The following EPB42 variants were observed in gnomAD, a reference collection of about 807,000 sequenced individuals.
EPB42 encodes the protein erythrocyte membrane protein band 4.2.
In EPB42, 49 loss-of-function variants were observed where a neutral mutation model predicts 76.9. The observed-to-expected ratio is 0.64, with a 90% CI of 0.51 to 0.81. The LOEUF (loss-of-function observed/expected upper bound fraction) is 0.81. Ranked by LOEUF, EPB42 falls within the 30% of genes least tolerant of loss-of-function variation. The pLI is 0.00. For missense variants in EPB42, 731 were observed against 867.6 expected (o/e 0.84, Z 1.98); for synonymous variants, 310 against 338.4 (o/e 0.92, Z 0.92).
At chr15:43,210,265 G>T in intron 5 of EPB42, 70 bp downstream of exon 5, 2 of 1,372,008 alleles carry the variant, frequency 1.5e-6, no homozygotes, top group South Asian at 1.2e-5. Flanking sequence ...GGCCACGGTG[G>T]TGGGGCAGGT....
chr15:43,206,647 C>T lies in EPB42; in HGVS notation c.1319-18G>A. The T allele has an allele frequency of 6.2e-7, 1 of 1,614,064 alleles. No homozygotes were observed. The highest frequency in any genetic ancestry group is 8.5e-7 in the Non-Finnish European group (1 of 1,179,980). On this transcript the variant is annotated intron_variant, in intron 9 of 12. Transcript: ENST00000441366. The surrounding 1 kb of genome is among the most constrained non-coding windows in gnomAD (Gnocchi z 4.7). ...AAGAGACCCTGGAGAAGGGAAGAAA[C>T]AAAGCTGACCTTTTACCCGGGTGGT...
upstream of EPB42, among the ~76,000 whole-genome samples, chr15:43,222,492 G>A (rs749676739): frequency 2.0e-5 from 3 of 152,174 alleles, no homozygotes; most frequent in Non-Finnish European, 2.9e-5. Flanking sequence ...TCCTGTGTAG[G>A]ACAACTCAAC....
intron 5 of EPB42, 126 bp from the exon 6 acceptor site, chr15:43,209,577 C>T: frequency 9.3e-7 from 1 of 1,075,010 alleles, no homozygotes; most frequent in Non-Finnish European, 1.4e-6. Context: ...TTAGAGCCAC[C>T]TGGTACTGGT....
upstream of EPB42, among the ~76,000 whole-genome samples, chr15:43,225,193 G>T (rs1477599099): frequency 6.6e-6 from 1 of 152,214 alleles, no homozygotes; most frequent in Non-Finnish European, 1.5e-5. Context: ...TGTTTATATA[G>T]ACTATTTCTA....
Position 43,208,698 on chromosome 15 carries a change from T to C in EPB42, c.910A>G (p.Ile304Val). ...SAQGTGGRLL[I>V]DEYYNEEGLQ... ...CCCTCCTCATTATAGTATTCATCTA[T>C]GAGAAGACGCCCACCGGTGCCCTGT... Residue 304 changes from isoleucine to valine, a missense_variant, in exon 7 of 13, where the codon ATA becomes GTA. Physicochemically the swap from Ile to Val is conservative, Grantham distance 29 (BLOSUM62 3). Coordinates refer to ENST00000441366, the MANE Select transcript of EPB42 (RefSeq NM_001114134.2). 1 of 1,614,168 alleles carries C rather than the reference T, an allele frequency of 6.2e-7. No homozygotes were observed. The highest frequency in any genetic ancestry group is 8.5e-7 in the Non-Finnish European group (1 of 1,180,024).
Position 43,206,525 on chromosome 15 carries a change from G to C in EPB42, c.1423C>G (p.Leu475Val). The change falls in exon 10 of 13, where the codon CTG (leucine) becomes GTG (valine). Residue 475 changes from leucine (L) to valine (V), a missense_variant. Leu to Val is a conservative substitution (Grantham distance 32). Coordinates refer to ENST00000441366, the MANE Select transcript of EPB42 (RefSeq NM_001114134.2). The surrounding 1 kb of genome is among the most constrained non-coding windows in gnomAD (Gnocchi z 4.7). ...RPPSLETASP[L>V]YLLLKAPSSL... is the part of the protein sequence containing the mutation. Reference sequence around the variant, plus strand: ...CTGGGTGCTTTCAAGAGCAGGTACAGAGGACTGGCAGTCTCGAGACTGGGA... The same window carrying C: ...CTGGGTGCTTTCAAGAGCAGGTACACAGGACTGGCAGTCTCGAGACTGGGA... 1 of 1,614,102 alleles carries C rather than the reference G, an allele frequency of 6.2e-7. No homozygotes were observed.
At chr15:43,209,043 G>C (rs1044582691) in intron 6 of EPB42, among the ~76,000 whole-genome samples, 10 of 152,216 alleles carry the variant, frequency 6.6e-5, no homozygotes, top group Non-Finnish European at 1.5e-5. Flanking sequence ...GGCAGGGTTA[G>C]GGAAGTAAGT....
intron 1 of EPB42, among the ~76,000 whole-genome samples, chr15:43,217,750 A>T (rs556304974): frequency 7.2e-5 from 11 of 152,232 alleles, no homozygotes; most frequent in African/African-American, 2.6e-4. Context: ...AAGTGATATG[A>T]CCCTGATAGC....
chr15:43,223,020 T>C (rs1223917012), upstream of EPB42, among the ~76,000 whole-genome samples: 1 of 152,158 alleles, frequency 6.6e-6, no homozygotes, highest in Non-Finnish European at 1.5e-5. Flanking sequence ...ATATTCACAA[T>C]GTTAAAAGAT....
chr15:43,211,910 A>G (rs1315004320), intron 3 of EPB42, among the ~76,000 whole-genome samples: 1 of 148,862 alleles, frequency 6.7e-6, no homozygotes, highest in Non-Finnish European at 1.5e-5. Flanking sequence ...TACAAAAAAT[A>G]AAAAAAAAAC....
chr15:43,220,187 C>T (rs1596423235), intron 1 of EPB42, among the ~76,000 whole-genome samples: 1 of 152,026 alleles, frequency 6.6e-6, no homozygotes, highest in Admixed American at 6.6e-5. Flanking sequence ...TCTGCCTACC[C>T]GCTTGCTTCT....
upstream of EPB42, among the ~76,000 whole-genome samples, chr15:43,225,613 G>A (rs953687625): frequency 1.3e-5 from 2 of 152,156 alleles, no homozygotes; most frequent in African/African-American, 2.4e-5. Flanking sequence ...CTATAGACGC[G>A]TCTCTGCCAC....
intron 2 of EPB42, 120 bp from the exon 3 acceptor site, chr15:43,215,448 G>C: frequency 9.6e-7 from 1 of 1,040,584 alleles, no homozygotes; most frequent in Non-Finnish European, 1.5e-6. Flanking sequence ...TAATGAAAGT[G>C]ACCCACCTAG....
chr15:43,200,199 C>T (rs2042105788), intron 12 of EPB42, among the ~76,000 whole-genome samples: 1 of 152,080 alleles, frequency 6.6e-6, no homozygotes. Flanking sequence ...AGCTTTGCCC[C>T]ACAACTGATT....
rs201336392 is a variant in EPB42 at position 43,204,968 on chromosome 15, C to CG, written c.1618+1361_1618+1362insC. 1.9e-3 allele frequency among the ~76,000 whole-genome samples: 268 copies of CG among 141,982 alleles called. 7 individuals carry two copies. In the East Asian group the frequency reaches 0.037, roughly 20 times the overall value. The allele number at this position is 141,982 out of a possible 152,430, so 93.1% of individuals were successfully genotyped here. On this transcript the variant is annotated intron_variant, in intron 10 of 12. Coordinates refer to ENST00000441366, the MANE Select transcript of EPB42 (RefSeq NM_001114134.2). ...GCTCAGAAGGCTGCCCCCTCCGCCC[C>CG]CCCCCCAAAAAAAAGTTCCCAAGAT...
chr15:43,203,361 C>G (rs2042155997), intron 10 of EPB42, 86 bp from the exon 11 acceptor site: 1 of 1,547,854 alleles, frequency 6.5e-7, no homozygotes, highest in African/African-American at 1.4e-5. Flanking sequence ...ACAAAGGACT[C>G]AGGGCCTCAC....
Position 43,207,544 on chromosome 15 carries a change from C to T in EPB42, c.1076-103G>A, listed in dbSNP as rs2042224738. The T allele has an allele frequency of 6.4e-6, 10 of 1,571,932 alleles. No homozygotes were observed. In the Admixed American group the frequency reaches 1.2e-4, roughly 19 times the overall value. On this transcript the variant is annotated intron_variant, in intron 8 of 12. Transcript: ENST00000441366. Reference sequence around the variant, plus strand: ...CCCATCCTCTAGCCTATTTTCCCTCCACGAGGACCAAGGTCAGAGGTGAGC... The same window carrying T: ...CCCATCCTCTAGCCTATTTTCCCTCTACGAGGACCAAGGTCAGAGGTGAGC...
At chr15:43,207,068 G>T in intron 9 of EPB42, 131 bp downstream of exon 9, 1 of 1,358,298 alleles carries the variant, frequency 7.4e-7, no homozygotes, top group Non-Finnish European at 1.0e-6. Context: ...TGTCAAATGG[G>T]GTTGAGAAAC....
chr15:43,200,280 T>A (rs530775987), intron 12 of EPB42, among the ~76,000 whole-genome samples: 1 of 152,204 alleles, frequency 6.6e-6, no homozygotes, highest in Non-Finnish European at 1.5e-5. Context: ...AATGTCTCAT[T>A]AAGTTTCATG....
Sources: allele counts gnomAD v4.1 joint callset (sites outside exome capture counted in the v4.1 genomes callset), GRCh38; gene constraint gnomAD v4.1.1; non-coding constraint Gnocchi (gnomAD v3.1); transcripts MANE v1.5; gene names NCBI Gene and HGNC (gene_info 2026-07-23, HGNC 2026-07-21).